TRMT44: variants seen among roughly 807,000 people sequenced by gnomAD.
TRMT44 encodes tRNA methyltransferase 44 homolog.
TRMT44 carries 78 observed loss-of-function variants against 77.3 expected under a neutral mutation model. That is an observed-to-expected ratio of 1.01 (90% CI 0.84 to 1.22). The LOEUF (loss-of-function observed/expected upper bound fraction) is 1.22. TRMT44 is among the 50% of genes most tolerant of loss of function. The probability of loss-of-function intolerance (pLI) is 0.00; values close to 1 mark genes in which losing one functional copy is unlikely to be tolerated. For synonymous variants in TRMT44, 391 were observed against 383.3 expected (o/e 1.02, Z -0.23); for missense variants, 1,090 against 964.4 (o/e 1.13, Z -1.73).
Position 8,441,043 on chromosome 4 carries a change from C to G in TRMT44, c.221C>G (p.Pro74Arg). Residue 74 changes from proline to arginine, a missense_variant, in exon 1 of 11, where the codon CCC becomes CGC. Coordinates refer to ENST00000389737, the MANE Select transcript of TRMT44 (RefSeq NM_152544.3). ...GAGCAGAAGGAGCGGGGTCCGGGAC[C>G]CGGCCAGGGTTCCCCCGGAGGGGGC... ...GSEQKERGPG[P>R]GQGSPGGGPG... 2.7e-6 allele frequency: 4 copies of G among 1,490,654 alleles called. No homozygotes were observed. Among genetic ancestry groups the G allele is most frequent in the Non-Finnish European group, 3.5e-6 (4 of 1,127,116 alleles). 92.3% of individuals were successfully genotyped at this position (1,490,654 alleles called of 1,614,324 possible).
At chr4:8,494,450 A>C (rs1412219951), downstream of TRMT44, among the ~76,000 whole-genome samples, 1 of 152,214 alleles carries the variant, frequency 6.6e-6, no homozygotes, top group African/African-American at 2.4e-5. Flanking sequence ...GTAGAAATGC[A>C]GGTTCACTGA....
chr4:8,446,842 G>C lies in TRMT44; in HGVS notation c.734+252G>C, dbSNP rs1362461830. 2.0e-5 allele frequency among the ~76,000 whole-genome samples: 3 copies of C among 152,100 alleles called. No individual in the cohort carries two copies. Among genetic ancestry groups the C allele is most frequent in the Non-Finnish European group, 4.4e-5 (3 of 68,012 alleles). On this transcript the variant is annotated intron_variant, in intron 2 of 10. Coordinates refer to ENST00000389737, the MANE Select transcript of TRMT44 (RefSeq NM_152544.3). The surrounding 1 kb of genome is among the most constrained non-coding windows in gnomAD (Gnocchi z 4.3). Reference sequence around the variant, plus strand: ...TTCCCTGTGGCTGTGATGATCAGCAGCCCTTAGCATTAGCTCTGAAGTCAA... The same window carrying C: ...TTCCCTGTGGCTGTGATGATCAGCACCCCTTAGCATTAGCTCTGAAGTCAA...
downstream of TRMT44, among the ~76,000 whole-genome samples, chr4:8,498,494 G>T (rs1205161681): frequency 6.6e-6 from 1 of 152,206 alleles, no homozygotes; most frequent in African/African-American, 2.4e-5. The surrounding 1 kb of genome is among the most constrained non-coding windows in gnomAD (Gnocchi z 4.3). Flanking sequence ...CATGGCGGAA[G>T]GCAAAGGGAA....
chr4:8,452,326 G>C lies in TRMT44; in HGVS notation c.1023+298G>C, dbSNP rs959685945. Among the ~76,000 whole-genome samples, 1 of 152,250 alleles carries C rather than the reference G, an allele frequency of 6.6e-6. No individual in the cohort carries two copies. Among genetic ancestry groups the C allele is most frequent in the African/African-American group, 2.4e-5 (1 of 41,462 alleles). ...GGCACAGGGAAGCACTGAGGAACAC[G>C]TGTCTTCCGGCCCTGGCCTAGAACC... On this transcript the variant is annotated intron_variant, in intron 4 of 10. Coordinates refer to ENST00000389737, the MANE Select transcript of TRMT44 (RefSeq NM_152544.3). This position sits in a 1 kb window ranked among gnomAD's most constrained non-coding sequence, Gnocchi z 5.7.
chr4:8,514,896 G>A, the TRMT44 span, among the ~76,000 whole-genome samples: 1 of 152,220 alleles, frequency 6.6e-6, no homozygotes, highest in Non-Finnish European at 1.5e-5. Flanking sequence ...AGGAGACAGG[G>A]TGTGGAGCCG....
At chr4:8,490,437 G>A (rs137940167) in intron 2 of TRMT44, among the ~76,000 whole-genome samples, 3 of 152,052 alleles carry the variant, frequency 2.0e-5, no homozygotes, top group Admixed American at 6.6e-5. Flanking sequence ...GCAGACCTTC[G>A]CCGTGAGTGT....
chr4:8,479,983 T>C (rs768499888), downstream of TRMT44, among the ~76,000 whole-genome samples: 1 of 152,118 alleles, frequency 6.6e-6, no homozygotes, highest in Non-Finnish European at 1.5e-5. Flanking sequence ...CCGGGCTTAA[T>C]TGATCTCCTG....
chr4:8,447,620 G>C (rs1394359246), intron 2 of TRMT44, among the ~76,000 whole-genome samples: 1 of 152,208 alleles, frequency 6.6e-6, no homozygotes, highest in African/African-American at 2.4e-5. Flanking sequence ...CTGAGCCTCT[G>C]AGGAGGTGGC....
At chr4:8,480,434 G>A (rs1560247324), downstream of TRMT44, among the ~76,000 whole-genome samples, 2 of 152,140 alleles carry the variant, frequency 1.3e-5, no homozygotes, top group Admixed American at 6.5e-5. Context: ...CTTGCACTCC[G>A]GACGTGAGCA....
intron 9 of TRMT44, among the ~76,000 whole-genome samples, chr4:8,469,671 T>C (rs2688223): frequency 0.73 from 111,542 of 152,090 alleles, 41,420 homozygotes; most frequent in South Asian, 0.85. Context: ...AACTTGGGAA[T>C]CAGGGCACCT....
chr4:8,505,318 G>A, the TRMT44 span, among the ~76,000 whole-genome samples: 2 of 152,218 alleles, frequency 1.3e-5, no homozygotes, highest in Non-Finnish European at 2.9e-5. Flanking sequence ...GAAGTCAGGT[G>A]CACTGAGGCC....
chr4:8,469,979 C>T (rs916515949), intron 9 of TRMT44, among the ~76,000 whole-genome samples: 3 of 152,220 alleles, frequency 2.0e-5, no homozygotes, highest in Non-Finnish European at 4.4e-5. Context: ...CAAGAGGCTC[C>T]AAGTCCTGCC....
At chr4:8,509,157 C>T in the TRMT44 span, 2 of 136,080 alleles carry the variant, frequency 1.5e-5, no homozygotes, top group African/African-American at 2.7e-5. Context: ...AACGCTGAGG[C>T]TTTGAAGGAA....
At chr4:8,496,486 G>A (rs149005370), downstream of TRMT44, among the ~76,000 whole-genome samples, 14 of 152,234 alleles carry the variant, frequency 9.2e-5, no homozygotes, top group African/African-American at 2.2e-4. Flanking sequence ...TCTCAAGCCC[G>A]CCCCATGCAG....
In TRMT44 at chr4:8,451,607, T is replaced by G. The variant is rs2109104668; in HGVS notation, c.955-353T>G. ...TTGTGGCTCGCGGCTCTCCCTGCCC[T>G]AGTTTCACTCCCACGCCTAGTTTCC... is the stretch of plus-strand genomic sequence containing the variant. On this transcript the variant is annotated intron_variant, in intron 3 of 10. Transcript: ENST00000389737. The surrounding 1 kb of genome is among the most constrained non-coding windows in gnomAD (Gnocchi z 4.1). Among the ~76,000 whole-genome samples, 1 of 152,294 alleles carries G rather than the reference T, an allele frequency of 6.6e-6. No homozygotes were observed. Among genetic ancestry groups the G allele is most frequent in the South Asian group, 2.1e-4 (1 of 4,828 alleles).
intron 1 of TRMT44, among the ~76,000 whole-genome samples, chr4:8,445,736 T>C (rs1229376143): frequency 1.3e-5 from 2 of 152,268 alleles, no homozygotes; most frequent in African/African-American, 4.8e-5. Flanking sequence ...CTTCAGCCTC[T>C]GCTTCCTTTT....
chr4:8,516,538 C>T, the TRMT44 span, among the ~76,000 whole-genome samples: 2 of 152,282 alleles, frequency 1.3e-5, no homozygotes, highest in Admixed American at 6.5e-5. Context: ...TCAGCACTTT[C>T]GGAGGTCAAG....
chr4:8,478,372 C>A (rs1238883103), downstream of TRMT44: 3 of 135,814 alleles, frequency 2.2e-5, no homozygotes, highest in African/African-American at 9.7e-5. Context: ...CTAAGTGGGG[C>A]CCACCATGGC....
At chr4:8,481,912 A>G (rs1056960350) in intron 2 of TRMT44, among the ~76,000 whole-genome samples, 1 of 152,154 alleles carries the variant, frequency 6.6e-6, no homozygotes, top group Middle Eastern at 3.2e-3. Context: ...CTTTTCAGAA[A>G]CATGGCCATG....
Sources: allele counts gnomAD v4.1 joint callset (sites outside exome capture counted in the v4.1 genomes callset), GRCh38; gene constraint gnomAD v4.1.1; non-coding constraint Gnocchi (gnomAD v3.1); transcripts MANE v1.5; gene names NCBI Gene and HGNC (gene_info 2026-07-23, HGNC 2026-07-21).